The following EP400 variants were observed in gnomAD, a reference collection of about 807,000 sequenced individuals.
EP400 encodes E1A-binding protein p400.
A neutral mutation model predicts 354.1 loss-of-function variants in EP400; 105 were observed. The observed-to-expected ratio is 0.30, with a 90% CI of 0.25 to 0.35. EP400 has a LOEUF of 0.35. Ranked by LOEUF, EP400 falls within the 10% of genes least tolerant of loss-of-function variation. EP400 has a pLI of 1.00. For missense variants in EP400, 3,280 were observed against 4,121.0 expected (o/e 0.80, Z 5.59); for synonymous variants, 1,646 against 1,716.9 (o/e 0.96, Z 1.02).
Position 132,027,402 on chromosome 12 carries a change from C to T in EP400, c.5015-35C>T, listed in dbSNP as rs200782857. On this transcript the variant is annotated intron_variant, in intron 25 of 52. Coordinates refer to ENST00000389561, the MANE Select transcript of EP400 (RefSeq NM_015409.5). This position sits in a 1 kb window ranked among gnomAD's most constrained non-coding sequence, Gnocchi z 4.9. ...GTCAGATGAAATCCTGTGAACTTGGCGTTCCTTTTCACCTCTTCCTTTATG... is the reference window on the plus strand; with the variant it reads ...GTCAGATGAAATCCTGTGAACTTGGTGTTCCTTTTCACCTCTTCCTTTATG... 33 of 1,606,248 alleles carry T rather than the reference C, an allele frequency of 2.1e-5. No individual in the cohort carries two copies. Among genetic ancestry groups the T allele is most frequent in the Non-Finnish European group, 2.5e-5 (29 of 1,173,186 alleles).
chr12:131,974,096 A>T (rs773674598), intron 2 of EP400, among the ~76,000 whole-genome samples: 5 of 150,028 alleles, frequency 3.3e-5, no homozygotes, highest in Non-Finnish European at 5.9e-5. Context: ...CTCCCACCTC[A>T]GCCTCCCGAG....
chr12:132,017,384 C>T lies in EP400; in HGVS notation c.3924-151C>T. ...CAGAGGGGCCTGCCTGGGATGTGGA[C>T]TTGAATGGCCACTCTGTCTAACTCA... On this transcript the variant is annotated intron_variant, in intron 19 of 52. Transcript: ENST00000389561. The surrounding 1 kb of genome is among the most constrained non-coding windows in gnomAD (Gnocchi z 5.0). 1 of 719,814 alleles carries T rather than the reference C, an allele frequency of 1.4e-6. No homozygotes were observed. Among genetic ancestry groups the T allele is most frequent in the East Asian group, 3.0e-5 (1 of 33,236 alleles). The allele number at this position is 719,814 out of a possible 1,614,324, so 44.6% of individuals were successfully genotyped here. A position where few individuals can be genotyped will look rare whatever the true frequency, so the allele number is the denominator to read the frequency against.
intron 34 of EP400, among the ~76,000 whole-genome samples, 200 bp from the exon 35 acceptor site, chr12:132,043,977 G>A (rs932435181): frequency 6.6e-6 from 1 of 152,252 alleles, no homozygotes. Flanking sequence ...TACCCCTGTA[G>A]GGACCATGGG....
chr12:131,958,597 C>T (rs937110236), intron 1 of EP400, among the ~76,000 whole-genome samples: 1 of 152,168 alleles, frequency 6.6e-6, no homozygotes. Context: ...TTCTTCATTG[C>T]AGCATCGATT....
chr12:131,984,490 C>G (rs1012158151), intron 5 of EP400, among the ~76,000 whole-genome samples: 1 of 152,176 alleles, frequency 6.6e-6, no homozygotes, highest in South Asian at 2.1e-4. Flanking sequence ...TGTACACCCA[C>G]TTTGAGAAAG....
intron 5 of EP400, 71 bp downstream of exon 5, chr12:131,982,549 A>G: frequency 6.6e-7 from 1 of 1,504,336 alleles, no homozygotes; most frequent in Non-Finnish European, 8.9e-7. Flanking sequence ...TGTTAGACAG[A>G]GTGTCACACC....
Position 132,075,245 on chromosome 12 carries a change from C to T in EP400, c.9022-1271C>T, listed in dbSNP as rs939898918. On this transcript the variant is annotated intron_variant, in intron 51 of 52. Coordinates refer to ENST00000389561, the MANE Select transcript of EP400 (RefSeq NM_015409.5). The surrounding 1 kb of genome is among the most constrained non-coding windows in gnomAD (Gnocchi z 4.5). ...TGCAAGCTCCCCACCGAGAACTGGCCTATACCTGGTGTCTGGTCAGCTGTG... is the reference window on the plus strand; with the variant it reads ...TGCAAGCTCCCCACCGAGAACTGGCTTATACCTGGTGTCTGGTCAGCTGTG... Among the ~76,000 whole-genome samples, 23 of 151,982 alleles carry T rather than the reference C, an allele frequency of 1.5e-4. No individual in the cohort carries two copies. Among genetic ancestry groups the T allele is most frequent in the African/African-American group, 7.3e-5 (3 of 41,360 alleles).
rs1894266660 is a variant in EP400, at chr12:132,025,270, G to T, written c.4856-376G>T. 6.6e-6 allele frequency among the ~76,000 whole-genome samples: 1 copy of T among 152,150 alleles called. No homozygotes were observed. The highest frequency in any genetic ancestry group is 2.1e-4 in the South Asian group (1 of 4,832). ...CAGCAGAAAAGCCACAGGCATCTGG[G>T]CTAAAAACAGGGTTTTGTTCTATTT... On this transcript the variant is annotated intron_variant, in intron 24 of 52. Transcript: ENST00000389561. The surrounding 1 kb of genome is among the most constrained non-coding windows in gnomAD (Gnocchi z 4.1).
intron 12 of EP400, among the ~76,000 whole-genome samples, chr12:131,996,008 C>T (rs930502228): frequency 6.6e-6 from 1 of 152,242 alleles, no homozygotes; most frequent in African/African-American, 2.4e-5. Context: ...ACGAATCCAC[C>T]ACAGTTTGAT....
chr12:132,031,172 C>G (rs200276479), intron 29 of EP400: 3 of 486,924 alleles, frequency 6.2e-6, no homozygotes, highest in Admixed American at 2.2e-5. Context: ...CATCTCCCTT[C>G]ATGGTCAACA....
intron 30 of EP400, 40 bp downstream of exon 30, chr12:132,032,189 C>T: frequency 6.3e-7 from 1 of 1,585,888 alleles, no homozygotes; most frequent in Non-Finnish European, 8.6e-7. Context: ...GATGCAAAGA[C>T]ATCCACATAT....
chr12:132,078,701 G>C lies in EP400; in HGVS notation c.*1028G>C, dbSNP rs751151654. 2.6e-5 allele frequency: 4 copies of C among 152,248 alleles called. No individual in the cohort carries two copies. Among genetic ancestry groups the C allele is most frequent in the Non-Finnish European group, 4.4e-5 (3 of 68,040 alleles). 9.4% of individuals were successfully genotyped at this position (152,248 alleles called of 1,614,324 possible). A position where few individuals can be genotyped will look rare whatever the true frequency, so the allele number is the denominator to read the frequency against. On this transcript the variant is annotated 3_prime_UTR_variant, in exon 53 of 53. Transcript: ENST00000389561. The stretch of plus-strand genomic sequence containing the variant: ...TGGGCTGGTGATTCTGGAAGTATTG[G>C]CTATAGCGGTGGGCCCAGTCAACTC...
At chr12:132,005,991 A>T (rs1285571648) in intron 13 of EP400, 121 bp from the exon 14 acceptor site, 2 of 895,088 alleles carry the variant, frequency 2.2e-6, no homozygotes, top group African/African-American at 1.7e-5. Context: ...ATAAAAAATT[A>T]TTGCCTAATT....
At chr12:132,000,342 G>T (rs1893365693) in intron 12 of EP400, among the ~76,000 whole-genome samples, 1 of 152,014 alleles carries the variant, frequency 6.6e-6, no homozygotes, top group Non-Finnish European at 1.5e-5. Context: ...AAGATGTATG[G>T]GATTCTCACT....
chr12:132,064,782 C>G lies in EP400; in HGVS notation c.8449C>G (p.Gln2817Glu), dbSNP rs1387079979. 6.2e-7 allele frequency: 1 copy of G among 1,612,860 alleles called. No individual in the cohort carries two copies. Among genetic ancestry groups the G allele is most frequent in the Non-Finnish European group, 8.5e-7 (1 of 1,179,810 alleles). The change falls in exon 48 of 53, where the codon CAG (glutamine) becomes GAG (glutamate). Residue 2817 changes from glutamine (Q) to glutamate (E), a missense_variant. By Grantham distance (29) the Gln-to-Glu change is conservative. Transcript: ENST00000389561. Reference sequence around the variant, plus strand: ...AGCCCAAGTGCAAGTGCAGACCTCGCAGCCGCCGCAGCAGCAGAGCCCCCA... The same window carrying G: ...AGCCCAAGTGCAAGTGCAGACCTCGGAGCCGCCGCAGCAGCAGAGCCCCCA... ...PTAQVQVQTS[Q>E]PPQQQSPQLT...
intron 16 of EP400, 125 bp from the exon 17 acceptor site, chr12:132,012,884 A>G: frequency 9.9e-7 from 1 of 1,009,108 alleles, no homozygotes; most frequent in African/African-American, 1.6e-5. Context: ...TATTTAAAAA[A>G]GCAAGTAAAA....
chr12:132,069,923 C>T (rs1896020142), intron 51 of EP400, among the ~76,000 whole-genome samples: 1 of 152,156 alleles, frequency 6.6e-6, no homozygotes, highest in Non-Finnish European at 1.5e-5. Flanking sequence ...TTCCAGGCTC[C>T]TCTTCTCCCT....
chr12:131,952,268 A>G (rs1220981089), intron 1 of EP400, among the ~76,000 whole-genome samples: 2 of 134,688 alleles, frequency 1.5e-5, no homozygotes, highest in Non-Finnish European at 3.1e-5. Flanking sequence ...GCGCCACTGC[A>G]CTCCAGCCTG....
Position 131,990,655 on chromosome 12 carries a change from G to T in EP400, c.2570G>T (p.Arg857Leu). The T allele has an allele frequency of 6.2e-7, 1 of 1,611,604 alleles. No individual in the cohort carries two copies. Among genetic ancestry groups the T allele is most frequent in the Non-Finnish European group, 8.5e-7 (1 of 1,178,328 alleles). Residue 857 changes from arginine (R) to leucine (L), a missense_variant, in exon 9 of 53, where the codon CGA becomes CTA. By Grantham distance (102) the Arg-to-Leu change is moderately radical (BLOSUM62 -2). Around this residue, in one of 20 missense-constraint regions of EP400, gnomAD observed 800 missense variants for 840.0 expected, o/e 0.95. Coordinates refer to ENST00000389561, the MANE Select transcript of EP400 (RefSeq NM_015409.5). The surrounding 1 kb of genome is among the most constrained non-coding windows in gnomAD (Gnocchi z 4.2). ...NIEQVVEIKL[R>L]VELEEKRKKA... ...ATTTAGGTTGTGGAAATAAAACTAC[G>T]AGTAGAATTAGAAGAAAAAAGGAAG... is the stretch of plus-strand genomic sequence containing the variant.
Sources: allele counts gnomAD v4.1 joint callset (sites outside exome capture counted in the v4.1 genomes callset), GRCh38; gene constraint gnomAD v4.1.1; regional missense constraint gnomAD v4.1.1; non-coding constraint Gnocchi (gnomAD v3.1); transcripts MANE v1.5; gene names NCBI Gene and HGNC (gene_info 2026-07-23, HGNC 2026-07-21).